The following CNTN4 variants were observed in gnomAD, a reference collection of about 807,000 sequenced individuals.
The protein encoded by CNTN4 is contactin-4.
Under a neutral mutation model 122.5 loss-of-function variants are expected in CNTN4, and 77 were observed. The observed-to-expected ratio is 0.63, with a 90% CI of 0.52 to 0.76. The LOEUF is 0.76. Among genes scored for constraint, CNTN4 ranks in the 30% least tolerant of loss-of-function variants. The probability of loss-of-function intolerance (pLI) is 0.00; values close to 1 mark genes in which losing one functional copy is unlikely to be tolerated. For missense variants in CNTN4, 1,256 were observed against 1,259.1 expected, an observed-to-expected ratio of 1.00 and a Z score of 0.04; for synonymous variants, 512 against 447.0, an observed-to-expected ratio of 1.15 and a Z score of -1.83.
intron 3 of CNTN4, among the ~76,000 whole-genome samples, chr3:2,470,429 G>A (rs1298144984): frequency 1.3e-5 from 2 of 152,076 alleles, no homozygotes; most frequent in African/African-American, 4.8e-5. Context: ...CTTCTCAACA[G>A]TGTAATTTTT....
intron 4 of CNTN4, among the ~76,000 whole-genome samples, chr3:2,721,615 ATTTG>A (rs1439398005): frequency 1.3e-5 from 2 of 151,976 alleles, no homozygotes; most frequent in African/African-American, 2.4e-5. Flanking sequence ...GAGAGAGAGA[ATTTG>A]TTTGTTGCAA....
At chr3:2,287,837 T>C (rs1025003751) in intron 2 of CNTN4, among the ~76,000 whole-genome samples, 3 of 152,090 alleles carry the variant, frequency 2.0e-5, no homozygotes, top group African/African-American at 7.2e-5. Flanking sequence ...AAGGCTGATC[T>C]GATTGACTTT....
At chr3:2,480,287 G>A (rs1475471116) in intron 3 of CNTN4, among the ~76,000 whole-genome samples, 1 of 151,840 alleles carries the variant, frequency 6.6e-6, no homozygotes, top group Admixed American at 6.6e-5. Context: ...ACAAGAAAAA[G>A]TAAAAGTATA....
chr3:2,804,737 C>CTTTAGTTTTTTTTT (rs1553643947), intron 6 of CNTN4, among the ~76,000 whole-genome samples: 4 of 144,878 alleles, frequency 2.8e-5, no homozygotes, highest in Non-Finnish European at 4.5e-5. Flanking sequence ...ATTTTGAGCA[C>CTTTAGTTTTTTTTT]TTTTTTTTTG....
chr3:2,200,276 TTAAG>T (rs1382168211), intron 2 of CNTN4, among the ~76,000 whole-genome samples: 1 of 152,106 alleles, frequency 6.6e-6, no homozygotes, highest in Admixed American at 6.6e-5. Flanking sequence ...TTTGGAGAAG[TTAAG>T]TAAGGGGAGA....
At chr3:2,749,018 T>G (rs182412364) in intron 6 of CNTN4, among the ~76,000 whole-genome samples, 13 of 152,302 alleles carry the variant, frequency 8.5e-5, no homozygotes, top group Admixed American at 8.5e-4. Flanking sequence ...ACTTCTCAAT[T>G]TAGGTATGAC....
chr3:2,766,186 CCT>C (rs1188660413), intron 6 of CNTN4, among the ~76,000 whole-genome samples: 3 of 152,186 alleles, frequency 2.0e-5, no homozygotes, highest in Non-Finnish European at 4.4e-5. Flanking sequence ...TCAGTGACTG[CCT>C]CTCTCAATGC....
intron 6 of CNTN4, among the ~76,000 whole-genome samples, chr3:2,781,933 C>G (rs914296437): frequency 7.5e-5 from 11 of 147,344 alleles, no homozygotes; most frequent in Non-Finnish European, 1.5e-4. Flanking sequence ...CCGTGTTAGC[C>G]AGGATGGTCT....
chr3:2,581,626 G>GT (rs369372663), intron 4 of CNTN4, among the ~76,000 whole-genome samples: 2 of 151,958 alleles, frequency 1.3e-5, no homozygotes, highest in Admixed American at 6.6e-5. Context: ...GTGAAGACCA[G>GT]TTTTTTTTCT....
intron 14 of CNTN4, among the ~76,000 whole-genome samples, chr3:3,005,665 C>T (rs1696539272): frequency 6.6e-6 from 1 of 152,196 alleles, no homozygotes; most frequent in Non-Finnish European, 1.5e-5. Context: ...TCATTTACCA[C>T]TGTATCCTTA....
chr3:2,641,742 A>T (rs1262813650), intron 4 of CNTN4, among the ~76,000 whole-genome samples: 1 of 152,168 alleles, frequency 6.6e-6, no homozygotes, highest in Non-Finnish European at 1.5e-5. Context: ...TGAATTTTTT[A>T]AATTTTGTTC....
chr3:2,601,624 T>C (rs1161677395), intron 4 of CNTN4, among the ~76,000 whole-genome samples: 1 of 152,180 alleles, frequency 6.6e-6, no homozygotes, highest in African/African-American at 2.4e-5. Flanking sequence ...AAGTATAGTT[T>C]GAAGTCAGGT....
intron 2 of CNTN4, among the ~76,000 whole-genome samples, chr3:2,167,903 C>T (rs1194120467): frequency 6.6e-6 from 1 of 152,116 alleles, no homozygotes; most frequent in Non-Finnish European, 1.5e-5. Context: ...TGCCTGTAAT[C>T]CCTGAAGCAG....
At chr3:2,900,969 A>C in intron 11 of CNTN4, 148 bp downstream of exon 11, 2 of 1,011,572 alleles carry the variant, frequency 2.0e-6, no homozygotes, top group Non-Finnish European at 3.0e-6. Context: ...AGTGAATGCA[A>C]TTGATAAATA....
chr3:2,397,587 A>G (rs1403373064), intron 3 of CNTN4, among the ~76,000 whole-genome samples: 2 of 152,102 alleles, frequency 1.3e-5, no homozygotes, highest in Non-Finnish European at 2.9e-5. Context: ...GTATGCAGCT[A>G]ATGTTGCAAA....
intron 3 of CNTN4, among the ~76,000 whole-genome samples, chr3:2,559,585 G>A (rs1431462160): frequency 2.6e-5 from 4 of 152,066 alleles, no homozygotes; most frequent in Admixed American, 6.5e-5. Flanking sequence ...AAAGAAAAAG[G>A]TTGTCATTTT....
At chr3:3,024,065 C>T (rs529265905) in intron 14 of CNTN4, among the ~76,000 whole-genome samples, 9 of 152,140 alleles carry the variant, frequency 5.9e-5, no homozygotes, top group African/African-American at 2.2e-4. Context: ...TATGAATGTT[C>T]TTATTCCTTC....
chr3:3,034,802 G>A lies in CNTN4; in HGVS notation c.1942+12G>A. 1 of 1,614,012 alleles carries A rather than the reference G, an allele frequency of 6.2e-7. No individual in the cohort carries two copies. Among genetic ancestry groups the A allele is most frequent in the African/African-American group, 1.3e-5 (1 of 75,036 alleles). On this transcript the variant is annotated intron_variant, in intron 17 of 24. Transcript: ENST00000418658. ...AGCAGTCAGTACAGGTACCATATTG[G>A]ATGCTTGGCTCAGAGACATTGGGAA... is the stretch of plus-strand genomic sequence containing the variant.
At chr3:2,353,877 C>A (rs535736172) in intron 3 of CNTN4, among the ~76,000 whole-genome samples, 14 of 151,868 alleles carry the variant, frequency 9.2e-5, no homozygotes, top group Admixed American at 8.5e-4. Context: ...CCAGCCTGGG[C>A]GACAGAGCGA....
Sources: allele counts gnomAD v4.1 joint callset (sites outside exome capture counted in the v4.1 genomes callset), GRCh38; gene constraint gnomAD v4.1.1; transcripts MANE v1.5; gene names NCBI Gene and HGNC (gene_info 2026-07-23, HGNC 2026-07-21).